The following SPOCK1 variants were observed in gnomAD, a reference collection of about 807,000 sequenced individuals.
SPOCK1 encodes SPARC (osteonectin), cwcv and kazal like domains proteoglycan 1.
SPOCK1 carries 23 observed loss-of-function variants against 55.3 expected under a neutral mutation model. That is an observed-to-expected ratio of 0.42 (90% CI 0.30 to 0.59). SPOCK1 has a LOEUF of 0.59. Ranked by LOEUF, SPOCK1 falls within the 20% of genes least tolerant of loss-of-function variation. The pLI is 0.22. For missense variants in SPOCK1, 499 were observed against 552.5 expected, an observed-to-expected ratio of 0.90 and a Z score of 0.97; for synonymous variants, 226 against 221.0, an observed-to-expected ratio of 1.02 and a Z score of -0.20.
intron 3 of SPOCK1, among the ~76,000 whole-genome samples, chr5:137,165,198 C>G (rs73299810): frequency 3.3e-5 from 5 of 152,170 alleles, no homozygotes; most frequent in African/African-American, 1.2e-4. Flanking sequence ...ACTCCACCCC[C>G]ACCTCCACAT....
intron 6 of SPOCK1, among the ~76,000 whole-genome samples, chr5:136,997,871 T>G (rs1288506996): frequency 6.6e-6 from 1 of 152,222 alleles, no homozygotes; most frequent in East Asian, 1.9e-4. Flanking sequence ...AAACATGCCC[T>G]GACTCTGCCC....
chr5:137,439,599 G>C (rs1472500409), intron 2 of SPOCK1, among the ~76,000 whole-genome samples: 1 of 152,156 alleles, frequency 6.6e-6, no homozygotes, highest in African/African-American at 2.4e-5. Flanking sequence ...GCAAAATACA[G>C]GAGGTTTAAT....
At chr5:137,324,852 C>T (rs980917931) in intron 2 of SPOCK1, among the ~76,000 whole-genome samples, 8 of 151,686 alleles carry the variant, frequency 5.3e-5, no homozygotes, top group Non-Finnish European at 7.4e-5. Flanking sequence ...CTGAACACAA[C>T]CCATTTTGCA....
intron 2 of SPOCK1, among the ~76,000 whole-genome samples, chr5:137,304,632 C>T (rs571790219): frequency 6.6e-6 from 1 of 152,260 alleles, no homozygotes; most frequent in African/African-American, 2.4e-5. Flanking sequence ...AGGGAGGCAG[C>T]TTCCCCCCAC....
intron 2 of SPOCK1, among the ~76,000 whole-genome samples, chr5:137,489,551 T>C (rs1389245872): frequency 6.6e-6 from 1 of 151,970 alleles, no homozygotes; most frequent in Non-Finnish European, 1.5e-5. Context: ...GTTTATACAA[T>C]AGAGATGGCT....
chr5:137,008,295 T>TACACACACACAC (rs141325417), intron 6 of SPOCK1, among the ~76,000 whole-genome samples: 1,817 of 138,372 alleles, frequency 0.013, 21 homozygotes, highest in Middle Eastern at 0.022. Flanking sequence ...TAATAATAAA[T>TACACACACACAC]ACACACACAC....
intron 3 of SPOCK1, among the ~76,000 whole-genome samples, chr5:137,246,712 A>G (rs1209516447): frequency 1.3e-5 from 2 of 152,076 alleles, no homozygotes; most frequent in Non-Finnish European, 2.9e-5. Context: ...CCCACCCACT[A>G]CTCTAGATCT....
chr5:137,303,539 T>C (rs78857910), intron 2 of SPOCK1, among the ~76,000 whole-genome samples: 2 of 152,180 alleles, frequency 1.3e-5, no homozygotes, highest in Admixed American at 6.5e-5. Context: ...ATTACAGCGA[T>C]TGAGAATCAG....
At chr5:137,083,122 T>G (rs1011171003) in intron 5 of SPOCK1, among the ~76,000 whole-genome samples, 2 of 152,168 alleles carry the variant, frequency 1.3e-5, no homozygotes, top group Admixed American at 6.5e-5. Flanking sequence ...GCTCCCGTTT[T>G]GGGGAATTCT....
intron 3 of SPOCK1, among the ~76,000 whole-genome samples, chr5:137,231,127 T>G (rs1240933948): frequency 6.6e-6 from 1 of 151,704 alleles, no homozygotes; most frequent in Non-Finnish European, 1.5e-5. Context: ...CACTGTAACC[T>G]CCACCTTCCC....
intron 3 of SPOCK1, among the ~76,000 whole-genome samples, chr5:137,177,719 G>C (rs1754883901): frequency 6.6e-6 from 1 of 151,950 alleles, no homozygotes; most frequent in South Asian, 2.1e-4. Context: ...TAAGAAGAAG[G>C]GGAGCCCCAA....
chr5:137,205,225 C>A (rs886803288), intron 3 of SPOCK1, among the ~76,000 whole-genome samples: 1 of 152,082 alleles, frequency 6.6e-6, no homozygotes. Flanking sequence ...ATTATTCAAG[C>A]GCTGTCAAGG....
intron 2 of SPOCK1, among the ~76,000 whole-genome samples, chr5:137,411,338 C>T (rs571476643): frequency 6.6e-6 from 1 of 152,092 alleles, no homozygotes; most frequent in Non-Finnish European, 1.5e-5. Flanking sequence ...AAGCAGGAGG[C>T]AAGATGGAGG....
chr5:137,244,857 G>A (rs979037012), intron 3 of SPOCK1, among the ~76,000 whole-genome samples: 13 of 152,150 alleles, frequency 8.5e-5, no homozygotes, highest in African/African-American at 3.1e-4. Flanking sequence ...TCCAACATAA[G>A]AACCAAAGAT....
intron 5 of SPOCK1, among the ~76,000 whole-genome samples, chr5:137,090,477 G>A (rs1458863978): frequency 1.3e-5 from 2 of 152,156 alleles, no homozygotes; most frequent in African/African-American, 4.8e-5. Context: ...CCTTCCACTG[G>A]AGTGGTGCTC....
chr5:137,231,394 C>A (rs1756060886), intron 3 of SPOCK1, among the ~76,000 whole-genome samples: 1 of 152,212 alleles, frequency 6.6e-6, no homozygotes, highest in East Asian at 1.9e-4. Context: ...ACCCTGCCCC[C>A]TTGTTCCCCT....
chr5:137,104,967 C>G (rs1365941700), intron 5 of SPOCK1, among the ~76,000 whole-genome samples: 1 of 152,140 alleles, frequency 6.6e-6, no homozygotes. Flanking sequence ...CAAAACTGGT[C>G]CCTGTGCCAA....
intron 5 of SPOCK1, among the ~76,000 whole-genome samples, chr5:137,068,290 G>C (rs577734526): frequency 6.6e-6 from 1 of 152,234 alleles, no homozygotes; most frequent in East Asian, 1.9e-4. Flanking sequence ...CCTTTAGTAA[G>C]TCTGTATGGT....
chr5:136,977,980 TAC>T lies in SPOCK1; in HGVS notation c.*672_*673del, dbSNP rs1467043024. 2 of 398,800 alleles carry T rather than the reference TAC, an allele frequency of 5.0e-6. No individual in the cohort carries two copies. The highest frequency in any genetic ancestry group is 8.8e-6 in the Non-Finnish European group (2 of 226,042). The allele number at this position is 398,800 out of a possible 1,614,324, so 24.7% of individuals were successfully genotyped here. On this transcript the variant is annotated 3_prime_UTR_variant, in exon 11 of 11. Coordinates refer to ENST00000394945, the MANE Select transcript of SPOCK1 (RefSeq NM_004598.4). ...TGGGTGTGTGTGCAAGGCACACACA[TAC>T]AGTCTTTCTGTACATGCATGCATAT...
Sources: allele counts gnomAD v4.1 joint callset (sites outside exome capture counted in the v4.1 genomes callset), GRCh38; gene constraint gnomAD v4.1.1; transcripts MANE v1.5; gene names NCBI Gene and HGNC (gene_info 2026-07-23, HGNC 2026-07-21).